The following BRF1 variants were observed in gnomAD, a reference collection of about 807,000 sequenced individuals.
The protein encoded by BRF1 is transcription factor IIIB 90 kDa subunit.
BRF1 carries 59 observed loss-of-function variants against 81.7 expected under a neutral mutation model. The observed-to-expected ratio is 0.72, with a 90% CI of 0.59 to 0.90. BRF1 has a LOEUF of 0.90. Among genes scored for constraint, BRF1 ranks in the 40% least tolerant of loss-of-function variants. The probability of loss-of-function intolerance (pLI) is 0.00; values close to 1 mark genes in which losing one functional copy is unlikely to be tolerated. For missense variants in BRF1, 1,050 were observed against 936.3 expected, an observed-to-expected ratio of 1.12 and a Z score of -1.58; for synonymous variants, 491 against 395.6, an observed-to-expected ratio of 1.24 and a Z score of -2.86.
At chr14:105,229,377 C>A (rs190591933) in intron 6 of BRF1, among the ~76,000 whole-genome samples, 1 of 152,210 alleles carries the variant, frequency 6.6e-6, no homozygotes, top group Non-Finnish European at 1.5e-5. Flanking sequence ...GCAGATGGAA[C>A]GGCTTCTCAG....
intron 1 of BRF1, among the ~76,000 whole-genome samples, chr14:105,289,499 T>G (rs935938273): frequency 2.6e-5 from 4 of 152,226 alleles, no homozygotes; most frequent in African/African-American, 7.2e-5. Flanking sequence ...AGACCCATCC[T>G]GGAATAAGGG....
In BRF1 at chr14:105,247,653, G is replaced by A. The variant is rs1209049871; in HGVS notation, c.544+4854C>T. ...GCGGTGACAGGTGCACCCATGACCC[G>A]AGATGCTGGCTGCGTCCTGTGGGGT... On this transcript the variant is annotated intron_variant, in intron 5 of 17. Transcript: ENST00000547530. 6.1e-6 allele frequency: 6 copies of A among 985,386 alleles called. No individual in the cohort carries two copies. The South Asian group carries it at 1.4e-4, about 23-fold the overall frequency. The allele number at this position is 985,386 out of a possible 1,614,324, so 61.0% of individuals were successfully genotyped here.
At chr14:105,289,896 A>G (rs1337898356) in intron 1 of BRF1, among the ~76,000 whole-genome samples, 1 of 151,462 alleles carries the variant, frequency 6.6e-6, no homozygotes, top group Non-Finnish European at 1.5e-5. Context: ...TCGGCCTCCC[A>G]AAGTGCTGGG....
chr14:105,249,707 A>T (rs2055470072), intron 5 of BRF1: 2 of 1,613,682 alleles, frequency 1.2e-6, no homozygotes, highest in Non-Finnish European at 1.7e-6. Flanking sequence ...CGCTGCTAAG[A>T]AGTACATCGT....
intron 1 of BRF1, among the ~76,000 whole-genome samples, chr14:105,312,326 A>G (rs1167837643): frequency 6.6e-6 from 1 of 152,196 alleles, no homozygotes; most frequent in Non-Finnish European, 1.5e-5. Context: ...TGAAGCTTTA[A>G]CTTCTTAAAT....
At chr14:105,214,521 CCTGCGTGGCTCAGCTGCCCACACCCCT>C (rs1330756102) in intron 15 of BRF1, among the ~76,000 whole-genome samples, 36 of 108,280 alleles carry the variant, frequency 3.3e-4, no homozygotes, top group Non-Finnish European at 5.4e-4. Flanking sequence ...TGCCCACACC[CCTGCGTGGCTCAGCTGCCCACACCCCT>C]GAGTGGCCCA....
At chr14:105,268,737 G>A (rs954046715) in intron 3 of BRF1, among the ~76,000 whole-genome samples, 8 of 152,342 alleles carry the variant, frequency 5.3e-5, no homozygotes, top group East Asian at 1.9e-4. Flanking sequence ...ACCCCACAAC[G>A]TAAGCTCACT....
intron 5 of BRF1, chr14:105,250,000 G>A (rs1196940903): frequency 2.5e-6 from 4 of 1,612,642 alleles, no homozygotes; most frequent in Admixed American, 3.3e-5. Flanking sequence ...AGTGCAAGAG[G>A]CAGGGGCTGC....
chr14:105,273,462 C>G (rs956431635), intron 2 of BRF1, among the ~76,000 whole-genome samples: 4 of 152,180 alleles, frequency 2.6e-5, no homozygotes, highest in African/African-American at 4.8e-5. Flanking sequence ...AGAGGGAGGG[C>G]CATGGTGTAG....
intron 2 of BRF1, among the ~76,000 whole-genome samples, chr14:105,283,132 GC>G: frequency 6.6e-6 from 1 of 152,220 alleles, no homozygotes; most frequent in East Asian, 1.9e-4. Context: ...GGTACGGCGG[GC>G]CCAGCCAGCC....
intron 1 of BRF1, among the ~76,000 whole-genome samples, chr14:105,290,190 C>T (rs983868969): frequency 1.3e-5 from 2 of 152,184 alleles, no homozygotes; most frequent in East Asian, 1.9e-4. Context: ...GAGGCCGATG[C>T]GGTTGGATCA....
chr14:105,258,467 C>T lies in BRF1; in HGVS notation c.440-1918G>A, dbSNP rs1461126142. ...TGGCGCCACCGCACTCCAGCCTGGG[C>T]GACAGAGCGAGACTCCGTCTCAAAA... On this transcript the variant is annotated intron_variant, in intron 3 of 17. Transcript: ENST00000547530. Among the ~76,000 whole-genome samples, 20 of 146,148 alleles carry T rather than the reference C, an allele frequency of 1.4e-4. No homozygotes were observed. The East Asian group carries it at 3.8e-3, about 28-fold the overall frequency.
At chr14:105,256,419 T>TG (rs776528751) in intron 4 of BRF1, 99 bp downstream of exon 4, 1 of 1,613,036 alleles carries the variant, frequency 6.2e-7, no homozygotes, top group Non-Finnish European at 8.5e-7. Flanking sequence ...GCCACTGAGA[T>TG]GCGTGGAGGC....
chr14:105,213,487 T>C (rs1338642543), intron 15 of BRF1: 1 of 151,840 alleles, frequency 6.6e-6, no homozygotes, highest in African/African-American at 2.4e-5. Context: ...CTCGGCCCAC[T>C]GCAACCTCTG....
In BRF1 at chr14:105,252,588, G is replaced by A; in HGVS notation, c.472-9C>T. On this transcript the variant is annotated splice_polypyrimidine_tract_variant and intron_variant, in intron 4 of 17. Transcript: ENST00000547530. ...AGCACGTACACATTCACCTGAGATG[G>A]AGAGATCACAACCAGAAACAGCATT... 6 of 1,610,846 alleles carry A rather than the reference G, an allele frequency of 3.7e-6. No individual in the cohort carries two copies. Among genetic ancestry groups the A allele is most frequent in the South Asian group, 3.3e-5 (3 of 90,326 alleles).
chr14:105,289,185 A>G (rs1235072805), intron 1 of BRF1, among the ~76,000 whole-genome samples: 1 of 150,982 alleles, frequency 6.6e-6, no homozygotes, highest in Non-Finnish European at 1.5e-5. Flanking sequence ...CATCTCTACA[A>G]AAAAAAAATG....
In BRF1 at chr14:105,220,215, T is replaced by C. The variant is rs990391772; in HGVS notation, c.1316-85A>G. 1.0e-5 allele frequency: 16 copies of C among 1,529,058 alleles called. No homozygotes were observed. In the Admixed American group the frequency reaches 1.4e-4, roughly 13 times the overall value. The allele number at this position is 1,529,058 out of a possible 1,614,324, so 94.7% of individuals were successfully genotyped here. ...CACCACCTGGGCTGGCTCAGGACCC[T>C]GGGTCTGGGCTAAGGGCTTTCTAGA... On this transcript the variant is annotated intron_variant, in intron 11 of 17. Transcript: ENST00000547530.
chr14:105,304,248 T>C (rs1878621810), upstream of BRF1, among the ~76,000 whole-genome samples: 1 of 151,990 alleles, frequency 6.6e-6, no homozygotes, highest in Non-Finnish European at 1.5e-5. Flanking sequence ...TCCCAGCACT[T>C]TGGGAGGCTG....
Position 105,285,516 on chromosome 14 carries a change from T to G in BRF1, c.265+780A>C, listed in dbSNP as rs145040505. On this transcript the variant is annotated intron_variant, in intron 2 of 17. Coordinates refer to ENST00000547530, the MANE Select transcript of BRF1 (RefSeq NM_001519.4). The stretch of plus-strand genomic sequence containing the variant: ...ATCACATGCAAACGCTGACTCAATA[T>G]GGACCAAAACCTACTGGAAAGAGAG... 2.0e-5 allele frequency among the ~76,000 whole-genome samples: 3 copies of G among 152,318 alleles called. No individual in the cohort carries two copies. The East Asian group carries it at 5.8e-4, about 29-fold the overall frequency.
Sources: gnomAD v4.1 joint callset for allele counts (sites outside exome capture counted in the v4.1 genomes callset) on GRCh38, gnomAD v4.1.1 for gene constraint, MANE v1.5 for transcripts, NCBI Gene and HGNC (gene_info 2026-07-23, HGNC 2026-07-21) for gene names.